Variants in FOXP2 observed in about 807,000 individuals in gnomAD.
The protein encoded by FOXP2 is forkhead box protein P2.
FOXP2 carries 12 observed loss-of-function variants against 115.8 expected under a neutral mutation model. That is an observed-to-expected ratio of 0.10 (90% CI 0.07 to 0.17). The LOEUF (loss-of-function observed/expected upper bound fraction) is 0.17. Among genes scored for constraint, FOXP2 ranks in the 10% least tolerant of loss-of-function variants. The probability of loss-of-function intolerance (pLI) is 1.00; values close to 1 mark genes in which losing one functional copy is unlikely to be tolerated. For synonymous variants in FOXP2, 328 were observed against 297.7 expected, an observed-to-expected ratio of 1.10 and a Z score of -1.05; for missense variants, 629 against 843.5, an observed-to-expected ratio of 0.75 and a Z score of 3.15.
At chr7:114,271,285 T>G (rs939100852) in intron 1 of FOXP2, among the ~76,000 whole-genome samples, 1 of 151,138 alleles carries the variant, frequency 6.6e-6, no homozygotes, top group South Asian at 2.1e-4. Context: ...TTATTTGTCT[T>G]ACCATGTTTG....
upstream of FOXP2, chr7:114,086,379 C>A: frequency 2.5e-6 from 1 of 396,622 alleles, no homozygotes; most frequent in Non-Finnish European, 5.0e-6. Context: ...CCGCTTCGCC[C>A]TAGCTCTAGC....
chr7:114,364,591 C>A (rs564677702), intron 2 of FOXP2, among the ~76,000 whole-genome samples: 15 of 152,238 alleles, frequency 9.9e-5, no homozygotes, highest in African/African-American at 3.6e-4. Context: ...AAAATACTTT[C>A]TTCCTTTAAA....
chr7:114,239,166 A>G (rs1439627003), intron 1 of FOXP2, among the ~76,000 whole-genome samples: 1 of 151,796 alleles, frequency 6.6e-6, no homozygotes, highest in East Asian at 1.9e-4. Context: ...AAACTATCAT[A>G]GCAGTTTTTT....
At chr7:114,196,818 T>C (rs894856643) in intron 1 of FOXP2, among the ~76,000 whole-genome samples, 4 of 152,212 alleles carry the variant, frequency 2.6e-5, no homozygotes, top group Non-Finnish European at 5.9e-5. Flanking sequence ...CCTTCCCATT[T>C]GATTGTACAA....
intron 16 of FOXP2, among the ~76,000 whole-genome samples, chr7:114,686,051 GTATTA>G (rs141446747): frequency 0.012 from 1,870 of 151,286 alleles, 18 homozygotes; most frequent in African/African-American, 0.035. Flanking sequence ...AATTAGAATT[GTATTA>G]AACTTTTTGC....
intron 3 of FOXP2, among the ~76,000 whole-genome samples, chr7:114,569,942 T>C (rs1458104213): frequency 1.3e-5 from 2 of 151,948 alleles, no homozygotes; most frequent in African/African-American, 4.8e-5. Flanking sequence ...TCTTTTCTGG[T>C]ATAGTTATAA....
At chr7:114,575,037 T>A (rs1801504874) in intron 3 of FOXP2, among the ~76,000 whole-genome samples, 1 of 151,876 alleles carries the variant, frequency 6.6e-6, no homozygotes, top group South Asian at 2.1e-4. Flanking sequence ...GTGATGCTTT[T>A]TAAAATATCT....
At chr7:114,100,244 A>G (rs2129140491) in intron 1 of FOXP2, among the ~76,000 whole-genome samples, 1 of 152,180 alleles carries the variant, frequency 6.6e-6, no homozygotes, top group African/African-American at 2.4e-5. Context: ...TTTCCTCAGA[A>G]TTTTTTCTAT....
intron 1 of FOXP2, among the ~76,000 whole-genome samples, chr7:114,097,419 C>T (rs1319682377): frequency 2.6e-5 from 4 of 152,114 alleles, no homozygotes; most frequent in African/African-American, 7.2e-5. Context: ...TGTCACTTAG[C>T]GTAATGCATT....
chr7:114,462,598 C>G (rs1795626068), intron 2 of FOXP2, among the ~76,000 whole-genome samples: 1 of 151,988 alleles, frequency 6.6e-6, no homozygotes, highest in African/African-American at 2.4e-5. Context: ...TCTCAGATCT[C>G]TTAACCTGGT....
intron 3 of FOXP2, among the ~76,000 whole-genome samples, chr7:114,543,612 T>C (rs769295857): frequency 1.3e-5 from 2 of 152,220 alleles, no homozygotes; most frequent in Non-Finnish European, 2.9e-5. Flanking sequence ...ACATTAGTGA[T>C]AGAAAAATCC....
intron 3 of FOXP2, among the ~76,000 whole-genome samples, chr7:114,626,382 C>A (rs1453621875): frequency 6.6e-6 from 1 of 151,692 alleles, no homozygotes; most frequent in Non-Finnish European, 1.5e-5. Context: ...CCATAAAGTT[C>A]ACTTATCATT....
intron 2 of FOXP2, among the ~76,000 whole-genome samples, chr7:114,341,843 T>C (rs1437965492): frequency 6.6e-6 from 1 of 151,406 alleles, no homozygotes; most frequent in Non-Finnish European, 1.5e-5. Flanking sequence ...TGACATTTTA[T>C]AGTCTGCTCA....
chr7:114,579,254 C>T (rs1023340810), intron 3 of FOXP2, among the ~76,000 whole-genome samples: 1 of 152,126 alleles, frequency 6.6e-6, no homozygotes, highest in Non-Finnish European at 1.5e-5. Flanking sequence ...ATTGGACACT[C>T]AATGTATAAA....
intron 1 of FOXP2, among the ~76,000 whole-genome samples, chr7:114,192,024 AC>A (rs1793772658): frequency 6.8e-6 from 1 of 146,506 alleles, no homozygotes; most frequent in Non-Finnish European, 1.5e-5. Context: ...TGTAACCTCC[AC>A]CTCCTTGGTT....
At chr7:114,436,595 G>A (rs1348432695) in intron 2 of FOXP2, among the ~76,000 whole-genome samples, 7 of 151,236 alleles carry the variant, frequency 4.6e-5, no homozygotes, top group Admixed American at 2.6e-4. Context: ...ATAAAATACC[G>A]AGCAAAAACT....
At chr7:114,267,785 T>A (rs1004818523) in intron 1 of FOXP2, among the ~76,000 whole-genome samples, 20 of 136,672 alleles carry the variant, frequency 1.5e-4, no homozygotes, top group African/African-American at 1.9e-4. Context: ...ATAAATAAAA[T>A]AAATATATAT....
chr7:114,546,759 T>C (rs991249977), intron 3 of FOXP2, among the ~76,000 whole-genome samples: 6 of 152,226 alleles, frequency 3.9e-5, no homozygotes, highest in Non-Finnish European at 7.3e-5. Flanking sequence ...GTTACAAAGA[T>C]AGATTATACC....
intron 1 of FOXP2, among the ~76,000 whole-genome samples, chr7:114,180,956 T>A (rs1161759613): frequency 6.6e-6 from 1 of 151,964 alleles, no homozygotes; most frequent in Non-Finnish European, 1.5e-5. Flanking sequence ...TGCTTAAAAT[T>A]TTGCTGTTGT....
Sources: gnomAD v4.1 joint callset for allele counts (sites outside exome capture counted in the v4.1 genomes callset) on GRCh38, gnomAD v4.1.1 for gene constraint, MANE v1.5 for transcripts, NCBI Gene and HGNC (gene_info 2026-07-23, HGNC 2026-07-21) for gene names.